CMC2: variants seen among roughly 807,000 people sequenced by gnomAD.
CMC2 encodes the protein C-X9-C motif containing 2.
A neutral mutation model predicts 7.5 loss-of-function variants in CMC2; 5 were observed. The observed-to-expected ratio is 0.66, with a 90% CI of 0.35 to 1.40. CMC2 has a LOEUF of 1.40. Among genes scored for constraint, CMC2 ranks in the 40% most tolerant of loss-of-function variants. The probability of loss-of-function intolerance (pLI) is 0.04; values close to 1 mark genes in which losing one functional copy is unlikely to be tolerated. For synonymous variants in CMC2, 37 were observed against 31.4 expected (o/e 1.18, Z -0.60); for missense variants, 115 against 92.3 (o/e 1.25, Z -1.01).
chr16:80,981,555 A>G (rs1258988079), intron 3 of CMC2, among the ~76,000 whole-genome samples: 1 of 152,222 alleles, frequency 6.6e-6, no homozygotes, highest in African/African-American at 2.4e-5. Flanking sequence ...AAATTCATCC[A>G]GATGACCTAC....
Position 80,994,278 on chromosome 16 carries a change from C to T in CMC2, c.81+3036G>A, listed in dbSNP as rs568140050. 2.0e-5 allele frequency among the ~76,000 whole-genome samples: 3 copies of T among 151,552 alleles called. No homozygotes were observed. The South Asian group carries it at 6.3e-4, about 32-fold the overall frequency. On this transcript the variant is annotated intron_variant, in intron 2 of 3. Transcript: ENST00000219400. ...AAACGAATCATAGACCAATGTAAAG[C>T]TAATACGATAGAACTAAAAGAAAAT...
rs549349534 is a variant in CMC2, at chr16:80,992,325, T to C, written c.81+4989A>G. Among the ~76,000 whole-genome samples, 4 of 152,356 alleles carry C rather than the reference T, an allele frequency of 2.6e-5. No individual in the cohort carries two copies. In the South Asian group the frequency reaches 6.2e-4, roughly 24 times the overall value. On this transcript the variant is annotated intron_variant, in intron 2 of 3. Transcript: ENST00000219400. ...AACAACACTGCAGTAAATAACTCTA[T>C]GCATACATTTTTTCATACTGTTAGA...
chr16:80,974,510 T>C lies in CMC2; in HGVS notation c.*1583A>G, dbSNP rs1193819463. ...TCTATGATCTTCCTCCACTCTAAGC[T>C]CCCATATTCTAGTCATGCTAAATGC... On this transcript the variant is annotated 3_prime_UTR_variant, in exon 4 of 4. Transcript: ENST00000219400. 1 of 147,952 alleles carries C rather than the reference T, an allele frequency of 6.8e-6. No individual in the cohort carries two copies. The highest frequency in any genetic ancestry group is 1.5e-5 in the Non-Finnish European group (1 of 68,014). The allele number at this position is 147,952 out of a possible 1,614,324, so 9.2% of individuals were successfully genotyped here. A position where few individuals can be genotyped will look rare whatever the true frequency, so the allele number is the denominator to read the frequency against.
At chr16:81,006,643 C>T (rs368272180) in intron 1 of CMC2, 91 bp downstream of exon 1, 3 of 925,984 alleles carry the variant, frequency 3.2e-6, no homozygotes, top group South Asian at 5.0e-5. Context: ...GGCCGACGGG[C>T]GGCAGGAAGG....
chr16:80,979,442 T>A lies in CMC2; in HGVS notation c.153+2364A>T, dbSNP rs541194323. ...CTGAGAAGACAATTTCATATGAAGATCTAATTGACAAAGCAGTGGCAAAAT... is the reference window on the plus strand; with the variant it reads ...CTGAGAAGACAATTTCATATGAAGAACTAATTGACAAAGCAGTGGCAAAAT... On this transcript the variant is annotated intron_variant, in intron 3 of 3. Transcript: ENST00000219400. Among the ~76,000 whole-genome samples the A allele has an allele frequency of 2.0e-5, 3 of 151,864 alleles. No individual in the cohort carries two copies. In the South Asian group the frequency reaches 6.2e-4, roughly 32 times the overall value.
chr16:81,005,440 A>AT (rs1597289365), intron 1 of CMC2, among the ~76,000 whole-genome samples: 5 of 149,816 alleles, frequency 3.3e-5, no homozygotes, highest in Admixed American at 6.7e-5. Context: ...ATATATATAT[A>AT]AATAAATAAC....
rs79219098 is a variant in CMC2, at chr16:80,980,239, G to C, written c.153+1567C>G. Among the ~76,000 whole-genome samples the C allele has an allele frequency of 7.9e-3, 1,201 of 152,110 alleles. 15 individuals carry two copies. Among genetic ancestry groups the C allele is most frequent in the African/African-American group, 0.028 (1,149 of 41,476 alleles). On this transcript the variant is annotated intron_variant, in intron 3 of 3. Coordinates refer to ENST00000219400, the MANE Select transcript of CMC2 (RefSeq NM_020188.5). Reference sequence around the variant, plus strand: ...TTACTATTAAAGAAACATCACCCTAGGTGTATTTTTCATGTAAACTGGCTT... The same window carrying C: ...TTACTATTAAAGAAACATCACCCTACGTGTATTTTTCATGTAAACTGGCTT...
In CMC2 at chr16:80,969,377, GC is replaced by G. The variant is rs1911765746; in HGVS notation, c.*6715del. 1 of 152,290 alleles carries G rather than the reference GC, an allele frequency of 6.6e-6. No individual in the cohort carries two copies. Among genetic ancestry groups the G allele is most frequent in the Non-Finnish European group, 1.5e-5 (1 of 68,102 alleles). 9.4% of individuals were successfully genotyped at this position (152,290 alleles called of 1,614,324 possible). ...CAAAACAACAGATATTCACTGCAAA[GC>G]CCGGAGGGCCAATTTGAGAACAGCA... On this transcript the variant is annotated 3_prime_UTR_variant, in exon 4 of 4. Coordinates refer to ENST00000219400, the MANE Select transcript of CMC2 (RefSeq NM_020188.5).
chr16:80,978,002 G>A (rs62054245), intron 3 of CMC2, among the ~76,000 whole-genome samples: 8,978 of 151,194 alleles, frequency 0.059, 366 homozygotes, highest in East Asian at 0.2. Context: ...AATCCAGAAG[G>A]AGGAGGTTGC....
intron 1 of CMC2, among the ~76,000 whole-genome samples, chr16:81,005,579 C>CACTTATCACAGCG (rs1555519262): frequency 0.018 from 1,320 of 74,670 alleles, 17 homozygotes; most frequent in African/African-American, 0.043. Context: ...TGCCCACTTC[C>CACTTATCACAGCG]ACTTATCACA....
At position 80,969,282 on chromosome 16, in the gene CMC2, T is replaced by A. The variant is rs184350012; in HGVS notation, c.*6811A>T. 2 of 151,932 alleles carry A rather than the reference T, an allele frequency of 1.3e-5. No homozygotes were observed. Among genetic ancestry groups the A allele is most frequent in the East Asian group, 3.9e-4 (2 of 5,168 alleles). 9.4% of individuals were successfully genotyped at this position (151,932 alleles called of 1,614,324 possible). ...CAAGAGCCAGAGGAGTCCTGGGAGG[T>A]CTCAGCATCGATGTGGAAAGCAGCA... On this transcript the variant is annotated 3_prime_UTR_variant, in exon 4 of 4. Coordinates refer to ENST00000219400, the MANE Select transcript of CMC2 (RefSeq NM_020188.5).
intron 3 of CMC2, among the ~76,000 whole-genome samples, chr16:80,980,084 A>T (rs936356165): frequency 2.0e-5 from 3 of 151,932 alleles, no homozygotes; most frequent in African/African-American, 7.3e-5. Flanking sequence ...ACACTTGGCT[A>T]AATTTTAAGA....
At chr16:80,999,933 A>C (rs1482685385) in intron 1 of CMC2, among the ~76,000 whole-genome samples, 1 of 152,222 alleles carries the variant, frequency 6.6e-6, no homozygotes, top group Non-Finnish European at 1.5e-5. Flanking sequence ...AGAATGCCTC[A>C]AACTATAAGA....
intron 2 of CMC2, among the ~76,000 whole-genome samples, chr16:80,988,946 T>C (rs1468765726): frequency 2.0e-5 from 3 of 152,212 alleles, no homozygotes; most frequent in African/African-American, 7.2e-5. Flanking sequence ...CCACGTGGGT[T>C]TGTCTGGTGT....
chr16:80,976,111 T>C lies in CMC2; in HGVS notation c.222A>G (p.Pro74=), dbSNP rs143780675. 1 of 1,603,476 alleles carries C rather than the reference T, an allele frequency of 6.2e-7. No homozygotes were observed. The highest frequency in any genetic ancestry group is 1.3e-5 in the African/African-American group (1 of 74,676). ...IAMRKKLFNP[P]EESEK ...ATACAATTTATTTTTCGGATTCCTC[T>C]GGAGGATTAAAAAGTTTCTTTCGCA... is the stretch of plus-strand genomic sequence containing the variant. Residue 74 remains proline (P), a synonymous_variant, in exon 4 of 4, where the codon CCA becomes CCG. Coordinates refer to ENST00000219400, the MANE Select transcript of CMC2 (RefSeq NM_020188.5).
intron 2 of CMC2, among the ~76,000 whole-genome samples, chr16:80,988,931 C>T (rs1967755758): frequency 6.6e-6 from 1 of 152,066 alleles, no homozygotes. Context: ...TTGCAAAATG[C>T]TCCCCCACGT....
At chr16:80,980,669 T>C (rs1967042093) in intron 3 of CMC2, 1 of 507,064 alleles carries the variant, frequency 2.0e-6, no homozygotes, top group Non-Finnish European at 3.5e-6. Context: ...GTGGGAGGAC[T>C]GCTTGAGGTT....
chr16:81,004,519 T>G (rs1242798974), intron 1 of CMC2, among the ~76,000 whole-genome samples: 1 of 152,186 alleles, frequency 6.6e-6, no homozygotes, highest in East Asian at 1.9e-4. Context: ...TTGTCACGAT[T>G]CCACCACCTC....
chr16:81,004,112 C>T (rs1053245875), intron 1 of CMC2, among the ~76,000 whole-genome samples: 1 of 152,134 alleles, frequency 6.6e-6, no homozygotes, highest in Non-Finnish European at 1.5e-5. Context: ...AATCCAGCTA[C>T]TTGGGAGGCT....
Sources: allele counts gnomAD v4.1 joint callset (sites outside exome capture counted in the v4.1 genomes callset), GRCh38; gene constraint gnomAD v4.1.1; transcripts MANE v1.5; gene names NCBI Gene and HGNC (gene_info 2026-07-23, HGNC 2026-07-21).